TNFRSF8: variants seen among roughly 807,000 people sequenced by gnomAD.
The protein encoded by TNFRSF8 is tumor necrosis factor receptor superfamily member 8.
Under a neutral mutation model 70.8 loss-of-function variants are expected in TNFRSF8, and 26 were observed. The ratio of observed to expected loss-of-function variants is 0.37; its 90% CI spans 0.27 to 0.51. The LOEUF is 0.51. Among genes scored for constraint, TNFRSF8 ranks in the 20% least tolerant of loss-of-function variants. TNFRSF8 has a pLI of 0.94. For synonymous variants in TNFRSF8, 356 were observed against 339.2 expected (o/e 1.05, Z -0.54); for missense variants, 720 against 807.9 (o/e 0.89, Z 1.32).
At chr1:12,130,045 C>T (rs1018790370) in intron 12 of TNFRSF8, among the ~76,000 whole-genome samples, 3 of 152,116 alleles carry the variant, frequency 2.0e-5, no homozygotes, top group East Asian at 1.9e-4. Context: ...GCTGGGATTA[C>T]AGGCGTGTGC....
rs187535825 is a variant in TNFRSF8, at chr1:12,128,672, A to G, written c.1309+2436A>G. 3.0e-3 allele frequency among the ~76,000 whole-genome samples: 463 copies of G among 152,122 alleles called. 1 individual carries two copies. Among genetic ancestry groups the G allele is most frequent in the Non-Finnish European group, 4.8e-3 (327 of 67,998 alleles). Reference sequence around the variant, plus strand: ...ACCCTTGGCACCATTGACATTTGGGAATGGATGGTTCTTTGCTGTGGAGCG... The same window carrying G: ...ACCCTTGGCACCATTGACATTTGGGGATGGATGGTTCTTTGCTGTGGAGCG... On this transcript the variant is annotated intron_variant, in intron 12 of 14. Coordinates refer to ENST00000263932, the MANE Select transcript of TNFRSF8 (RefSeq NM_001243.5).
intron 8 of TNFRSF8, 32 bp downstream of exon 8, chr1:12,115,761 A>G (rs598661): frequency 0.25 from 407,488 of 1,606,376 alleles, 56,947 homozygotes; most frequent in African/African-American, 0.5. Flanking sequence ...CCTCGACCAC[A>G]GGGTGGAGTC....
chr1:12,096,326 C>T (rs1383517323), intron 2 of TNFRSF8, among the ~76,000 whole-genome samples: 1 of 151,152 alleles, frequency 6.6e-6, no homozygotes, highest in Non-Finnish European at 1.5e-5. Flanking sequence ...TCCAATCTTT[C>T]GGCTTCCCTG....
At position 12,112,098 on chromosome 1, in the gene TNFRSF8, G is replaced by A; in HGVS notation, c.793+84G>A. The A allele has an allele frequency of 1.0e-6, 1 of 988,816 alleles. No homozygotes were observed. Among genetic ancestry groups the A allele is most frequent in the Non-Finnish European group, 1.5e-6 (1 of 650,968 alleles). 61.3% of individuals were successfully genotyped at this position (988,816 alleles called of 1,614,324 possible). ...ACTTCCAGTAACTACTCCCCCTTAT[G>A]TTTGTGGGTTTTTGATGGGGGTCGC... On this transcript the variant is annotated intron_variant, in intron 7 of 14. Transcript: ENST00000263932. The surrounding 1 kb of genome is among the most constrained non-coding windows in gnomAD (Gnocchi z 5.3).
At chr1:12,118,773 C>A (rs1486540420) in intron 8 of TNFRSF8, among the ~76,000 whole-genome samples, 4 of 152,332 alleles carry the variant, frequency 2.6e-5, no homozygotes, top group African/African-American at 7.2e-5. Context: ...CTGTAGGGAG[C>A]ATGCAGTTAA....
chr1:12,086,877 T>G (rs1191030749), intron 2 of TNFRSF8, among the ~76,000 whole-genome samples: 1 of 151,968 alleles, frequency 6.6e-6, no homozygotes, highest in Non-Finnish European at 1.5e-5. Flanking sequence ...TTAACCTTAA[T>G]TATCTCCTAA....
chr1:12,101,283 T>C (rs1197342464), intron 3 of TNFRSF8, among the ~76,000 whole-genome samples: 1 of 150,822 alleles, frequency 6.6e-6, no homozygotes, highest in African/African-American at 2.4e-5. Context: ...ATACATTAGC[T>C]GGGTGTGGTG....
chr1:12,064,619 A>AC (rs1640706490), intron 1 of TNFRSF8, among the ~76,000 whole-genome samples: 1 of 151,966 alleles, frequency 6.6e-6, no homozygotes, highest in African/African-American at 2.4e-5. Context: ...GGAAGAGAGG[A>AC]CTCCATGCTA....
intron 2 of TNFRSF8, among the ~76,000 whole-genome samples, chr1:12,095,194 G>A (rs1641311211): frequency 6.6e-6 from 1 of 152,096 alleles, no homozygotes; most frequent in Admixed American, 6.5e-5. Flanking sequence ...TGCAGATGTT[G>A]TGAAATGTTG....
chr1:12,124,076 C>T (rs949464802), intron 10 of TNFRSF8, among the ~76,000 whole-genome samples: 1 of 152,200 alleles, frequency 6.6e-6, no homozygotes, highest in Admixed American at 6.5e-5. Context: ...CCCATCTTGG[C>T]TCACTGCAAC....
At chr1:12,125,157 C>G (rs1308784901) in intron 10 of TNFRSF8, among the ~76,000 whole-genome samples, 2 of 152,250 alleles carry the variant, frequency 1.3e-5, no homozygotes, top group African/African-American at 4.8e-5. Context: ...CTGGCATATA[C>G]TACTTTTTAA....
In TNFRSF8 at chr1:12,144,073, G is replaced by C. The variant is rs1409405763; in HGVS notation, c.*1542G>C. 5 of 152,260 alleles carry C rather than the reference G, an allele frequency of 3.3e-5. No individual in the cohort carries two copies. Among genetic ancestry groups the C allele is most frequent in the African/African-American group, 1.2e-4 (5 of 41,458 alleles). 9.4% of individuals were successfully genotyped at this position (152,260 alleles called of 1,614,324 possible). Reference sequence around the variant, plus strand: ...AAGGCACGCTGGAAGGCACACGCCTGCCAGGCAGGGCAGTCTGGCGCCCAT... The same window carrying C: ...AAGGCACGCTGGAAGGCACACGCCTCCCAGGCAGGGCAGTCTGGCGCCCAT... On this transcript the variant is annotated 3_prime_UTR_variant, in exon 15 of 15. Transcript: ENST00000263932.
At chr1:12,073,661 G>A (rs183898070) in intron 1 of TNFRSF8, among the ~76,000 whole-genome samples, 2 of 147,428 alleles carry the variant, frequency 1.4e-5, no homozygotes, top group Admixed American at 6.9e-5. Context: ...TGGTGAGATC[G>A]TGGCTCAATG....
chr1:12,074,075 C>T (rs916970422), intron 1 of TNFRSF8, among the ~76,000 whole-genome samples: 2 of 151,650 alleles, frequency 1.3e-5, no homozygotes, highest in Non-Finnish European at 2.9e-5. Flanking sequence ...CTCATGGAGC[C>T]GGCACGGGAT....
chr1:12,091,778 G>C (rs1163022198), intron 2 of TNFRSF8, among the ~76,000 whole-genome samples: 11 of 152,210 alleles, frequency 7.2e-5, no homozygotes, highest in Non-Finnish European at 1.5e-4. Context: ...GACTGGTTTT[G>C]TGGAAGATGA....
At chr1:12,125,245 C>T (rs986869623) in intron 10 of TNFRSF8, among the ~76,000 whole-genome samples, 2 of 152,180 alleles carry the variant, frequency 1.3e-5, no homozygotes, top group South Asian at 2.1e-4. Context: ...AAAAACGAAG[C>T]GAGTTTAGTA....
chr1:12,067,786 A>G (rs576255890), intron 1 of TNFRSF8, among the ~76,000 whole-genome samples: 3 of 152,094 alleles, frequency 2.0e-5, no homozygotes, highest in East Asian at 1.9e-4. Flanking sequence ...GTGTAGTGCT[A>G]ATCGTGGAAT....
At position 12,113,045 on chromosome 1, in the gene TNFRSF8, A is replaced by C. The variant is rs1199310601; in HGVS notation, c.793+1031A>C. Among the ~76,000 whole-genome samples the C allele has an allele frequency of 6.6e-6, 1 of 152,250 alleles. No individual in the cohort carries two copies. The highest frequency in any genetic ancestry group is 1.5e-5 in the Non-Finnish European group (1 of 68,038). On this transcript the variant is annotated intron_variant, in intron 7 of 14. Transcript: ENST00000263932. The surrounding 1 kb of genome is among the most constrained non-coding windows in gnomAD (Gnocchi z 4.9). ...GCATAGCAAATTTTCTTAAAACTTA[A>C]TTGTGAAAACAAATCATTCTTTGTA...
intron 13 of TNFRSF8, among the ~76,000 whole-genome samples, chr1:12,137,558 G>GTTTTTTTTTTTTTTTTTT (rs57661698): frequency 7.4e-6 from 1 of 135,208 alleles, no homozygotes; most frequent in Non-Finnish European, 1.6e-5. Flanking sequence ...GTTTTTTTTT[G>GTTTTTTTTTTTTTTTTTT]TTTTTTTTTT....
Sources: allele counts gnomAD v4.1 joint callset (sites outside exome capture counted in the v4.1 genomes callset), GRCh38; gene constraint gnomAD v4.1.1; non-coding constraint Gnocchi (gnomAD v3.1); transcripts MANE v1.5; gene names NCBI Gene and HGNC (gene_info 2026-07-23, HGNC 2026-07-21).